Variants in TRPM7 observed in about 807,000 individuals in gnomAD.
TRPM7 encodes the protein transient receptor potential cation channel subfamily M member 7, also known as LTRPC ion channel family member 7.
TRPM7 carries 134 observed loss-of-function variants against 229.7 expected under a neutral mutation model. The ratio of observed to expected loss-of-function variants is 0.58; its 90% CI spans 0.51 to 0.67. TRPM7 has a LOEUF of 0.67. Among genes scored for constraint, TRPM7 ranks in the 30% least tolerant of loss-of-function variants. The pLI is 0.00. For missense variants in TRPM7, 1,901 were observed against 2,210.0 expected (o/e 0.86, Z 2.80); for synonymous variants, 699 against 715.2 (o/e 0.98, Z 0.36).
In TRPM7 at chr15:50,609,604, T is replaced by C. The variant is rs1292057562; in HGVS notation, c.2557A>G (p.Ile853Val). 8 of 1,606,380 alleles carry C rather than the reference T, an allele frequency of 5.0e-6. No homozygotes were observed. Among genetic ancestry groups the C allele is most frequent in the East Asian group, 2.2e-5 (1 of 44,750 alleles). The stretch of plus-strand genomic sequence containing the variant: ...ACCGTGTTAAACCAGAATTTTACAA[T>C]TGGTGCATGATAAAAGGCATAAAAC... ...RKFYAFYHAP[I>V]VKFWFNTLAY... The change falls in exon 19 of 39, where the codon ATT becomes GTT. Residue 853 changes from isoleucine (I) to valine (V), a missense_variant. By Grantham distance (29) the Ile-to-Val change is conservative (BLOSUM62 3). This residue lies in a region of TRPM7 where 207 missense variants were observed against 241.5 expected (regional missense o/e 0.86). Coordinates refer to ENST00000646667, the MANE Select transcript of TRPM7 (RefSeq NM_017672.6).
chr15:50,638,122 G>A (rs1009568358), intron 6 of TRPM7, among the ~76,000 whole-genome samples: 4 of 151,850 alleles, frequency 2.6e-5, no homozygotes, highest in South Asian at 4.1e-4. Context: ...CACTTTGGGA[G>A]GCCGAGGCGG....
Position 50,628,158 on chromosome 15 carries a change from C to T in TRPM7, c.1296G>A (p.Gln432=). ...TAGATTATTTACATACCAGCCACTG[C>T]TGTCCATAAACAAATACATGATTTT... ...IAKNHVFVYG[Q]QWLVGSLEQA... Residue 432 remains glutamine (Q), a synonymous_variant, in exon 11 of 39, where the codon CAG becomes CAA. Coordinates refer to ENST00000646667, the MANE Select transcript of TRPM7 (RefSeq NM_017672.6). The T allele has an allele frequency of 6.2e-7, 1 of 1,608,164 alleles. No individual in the cohort carries two copies. The highest frequency in any genetic ancestry group is 8.5e-7 in the Non-Finnish European group (1 of 1,175,670).
intron 19 of TRPM7, among the ~76,000 whole-genome samples, chr15:50,608,103 C>T (rs1002901269): frequency 6.9e-6 from 1 of 145,708 alleles, no homozygotes; most frequent in African/African-American, 2.5e-5. Flanking sequence ...GAAAAAAAGA[C>T]AAGACAAGAC....
At position 50,592,466 on chromosome 15, in the gene TRPM7, C is replaced by A. The variant is rs1400875266; in HGVS notation, c.3769G>T (p.Ala1257Ser). 1 of 1,614,146 alleles carries A rather than the reference C, an allele frequency of 6.2e-7. No individual in the cohort carries two copies. The highest frequency in any genetic ancestry group is 1.1e-5 in the South Asian group (1 of 91,082). The part of the protein sequence containing the change: ...KTLTAQKASE[A>S]SKVHNEITRE... ...GTGATTTCATTATGAACTTTGCTAG[C>A]TTCCGACGCTTTCTGGGCAGTGAGT... Residue 1257 changes from alanine (A) to serine (S), a missense_variant, in exon 26 of 39, where the codon GCT (alanine) becomes TCT (serine). Around this residue, in one of 8 missense-constraint regions of TRPM7, gnomAD observed 533 missense variants for 497.1 expected, o/e 1.07. Transcript: ENST00000646667.
intron 17 of TRPM7, among the ~76,000 whole-genome samples, chr15:50,610,761 T>C (rs2060043893): frequency 6.6e-6 from 1 of 152,168 alleles, no homozygotes; most frequent in Non-Finnish European, 1.5e-5. Context: ...AGGTCTTGAA[T>C]TTCAGAATTT....
rs397939673 is a variant in TRPM7, at chr15:50,559,058, A to ATT, written c.*2618_*2619dup. 0.039 allele frequency: 5,584 copies of ATT among 143,588 alleles called. 331 individuals carry two copies. The highest frequency in any genetic ancestry group is 0.12 in the African/African-American group (4,722 of 38,902). 8.9% of individuals were successfully genotyped at this position (143,588 alleles called of 1,614,324 possible). A position where few individuals can be genotyped will look rare whatever the true frequency, so the allele number is the denominator to read the frequency against. On this transcript the variant is annotated 3_prime_UTR_variant, in exon 39 of 39. Coordinates refer to ENST00000646667, the MANE Select transcript of TRPM7 (RefSeq NM_017672.6). ...CAGGTGCACACCATCACATCCAGTTATTTTTTTTTTTTTGACGGAGTCTCG... is the reference window on the plus strand; with the variant it reads ...CAGGTGCACACCATCACATCCAGTTATTTTTTTTTTTTTTTGACGGAGTCTCG...
chr15:50,594,029 G>A (rs183205939), intron 24 of TRPM7, among the ~76,000 whole-genome samples: 7 of 151,940 alleles, frequency 4.6e-5, no homozygotes, highest in Admixed American at 1.3e-4. Context: ...TCTCCCTCAC[G>A]TATCTACTCA....
chr15:50,662,563 T>C (rs2061754267), intron 2 of TRPM7, among the ~76,000 whole-genome samples: 1 of 152,210 alleles, frequency 6.6e-6, no homozygotes, highest in South Asian at 2.1e-4. Context: ...ATTAGGTTCA[T>C]ATTGCTTTCT....
intron 8 of TRPM7, among the ~76,000 whole-genome samples, chr15:50,633,422 T>C (rs2060795828): frequency 6.6e-6 from 1 of 152,172 alleles, no homozygotes; most frequent in Admixed American, 6.6e-5. Context: ...TTAAAATTAA[T>C]AGTGAAAGTC....
chr15:50,608,143 C>T (rs1456247700), intron 19 of TRPM7, among the ~76,000 whole-genome samples: 3 of 151,854 alleles, frequency 2.0e-5, no homozygotes, highest in Non-Finnish European at 4.4e-5. Context: ...TCTTAGCTCC[C>T]AGTCACTAAA....
intron 7 of TRPM7, among the ~76,000 whole-genome samples, chr15:50,635,490 C>T (rs1454251665): frequency 2.5e-4 from 37 of 150,214 alleles, no homozygotes; most frequent in Admixed American, 6.0e-4. Flanking sequence ...GGTGAAACCC[C>T]GTCTCTACTA....
In TRPM7 at chr15:50,611,340, C is replaced by G. The variant is rs895218278; in HGVS notation, c.2052-19G>C. 3.1e-5 allele frequency: 49 copies of G among 1,591,216 alleles called. No individual in the cohort carries two copies. The highest frequency in any genetic ancestry group is 3.9e-5 in the Non-Finnish European group (45 of 1,163,518). On this transcript the variant is annotated intron_variant, in intron 16 of 38. Transcript: ENST00000646667. Reference sequence around the variant, plus strand: ...AAAATCACTATAAAAAGATAAAAGCCAAAATATACTCAGATTAACAAACTG... The same window carrying G: ...AAAATCACTATAAAAAGATAAAAGCGAAAATATACTCAGATTAACAAACTG...
At chr15:50,609,411 C>T (rs187092187) in intron 19 of TRPM7, among the ~76,000 whole-genome samples, 170 bp downstream of exon 19, 2 of 152,206 alleles carry the variant, frequency 1.3e-5, no homozygotes, top group East Asian at 1.9e-4. Context: ...GTGTTTATCA[C>T]TCTAGATGAT....
chr15:50,644,842 C>T (rs549166018), intron 4 of TRPM7, among the ~76,000 whole-genome samples: 2 of 150,814 alleles, frequency 1.3e-5, no homozygotes, highest in South Asian at 4.2e-4. Context: ...CCCAAAAAAC[C>T]CCAGAATTCC....
chr15:50,569,712 A>G (rs2053777948), intron 38 of TRPM7, among the ~76,000 whole-genome samples, 175 bp downstream of exon 38: 1 of 152,230 alleles, frequency 6.6e-6, no homozygotes, highest in Non-Finnish European at 1.5e-5. Flanking sequence ...GTATAAAGAA[A>G]GAAGGAAAAC....
chr15:50,634,531 C>T lies in TRPM7; in HGVS notation c.858G>A (p.Val286=). The T allele has an allele frequency of 4.0e-6, 6 of 1,513,200 alleles. No individual in the cohort carries two copies. The highest frequency in any genetic ancestry group is 5.3e-6 in the Non-Finnish European group (6 of 1,134,620). 93.7% of individuals were successfully genotyped at this position (1,513,200 alleles called of 1,614,324 possible). A position where few individuals can be genotyped will look rare whatever the true frequency, so the allele number is the denominator to read the frequency against. The change falls in exon 8 of 39, where the codon GTG becomes GTA. Residue 286 remains valine, a synonymous_variant. Coordinates refer to ENST00000646667, the MANE Select transcript of TRPM7 (RefSeq NM_017672.6). Reference sequence around the variant, plus strand: ...TTGGCCCACCCTCAAATATAAGTGCCACCACAGGGACACCCTGGCCAATCC... The same window carrying T: ...TTGGCCCACCCTCAAATATAAGTGCTACCACAGGGACACCCTGGCCAATCC... ...HARIGQGVPV[V]ALIFEGGPNV...
intron 2 of TRPM7, 129 bp from the exon 3 acceptor site, chr15:50,657,948 A>T: frequency 1.6e-6 from 1 of 608,614 alleles, no homozygotes; most frequent in Non-Finnish European, 2.9e-6. Context: ...TAGATATTAT[A>T]GTTCACGTAT....
intron 5 of TRPM7, among the ~76,000 whole-genome samples, chr15:50,639,930 C>A (rs2061038856): frequency 2.0e-5 from 3 of 152,008 alleles, no homozygotes; most frequent in Non-Finnish European, 4.4e-5. Flanking sequence ...AAACTTAAAA[C>A]AAGGTCATAG....
At chr15:50,666,402 C>A (rs1429931537) in intron 1 of TRPM7, among the ~76,000 whole-genome samples, 1 of 151,716 alleles carries the variant, frequency 6.6e-6, no homozygotes, top group Non-Finnish European at 1.5e-5. Context: ...GATCATGCCA[C>A]CGTACTCCAG....
Sources: gnomAD v4.1 joint callset for allele counts (sites outside exome capture counted in the v4.1 genomes callset) on GRCh38, gnomAD v4.1.1 for gene constraint, gnomAD v4.1.1 regional missense constraint, MANE v1.5 for transcripts, NCBI Gene and HGNC (gene_info 2026-07-23, HGNC 2026-07-21) for gene names.